Variants in NEDD4 observed in about 807,000 individuals in gnomAD.
The protein encoded by NEDD4 is NEDD4 E3 ubiquitin protein ligase, also known as E3 ubiquitin-protein ligase NEDD4.
NEDD4 carries 99 observed loss-of-function variants against 144.9 expected under a neutral mutation model. That is an observed-to-expected ratio of 0.68 (90% CI 0.58 to 0.81). NEDD4 has a LOEUF of 0.81. Among genes scored for constraint, NEDD4 ranks in the 30% least tolerant of loss-of-function variants. The probability of loss-of-function intolerance (pLI) is 0.00; values close to 1 mark genes in which losing one functional copy is unlikely to be tolerated. For missense variants in NEDD4, 985 were observed against 1,065.9 expected (o/e 0.92, Z 1.06); for synonymous variants, 318 against 350.6 (o/e 0.91, Z 1.04).
intron 2 of NEDD4, among the ~76,000 whole-genome samples, chr15:55,954,530 C>CT (rs201402509): frequency 0.093 from 13,716 of 147,186 alleles, 765 homozygotes; most frequent in Middle Eastern, 0.17. Context: ...AGAGTTTTGC[C>CT]TTTTTTTTTT....
intron 4 of NEDD4, among the ~76,000 whole-genome samples, chr15:55,949,484 G>T (rs2142296429): frequency 6.6e-6 from 1 of 152,208 alleles, no homozygotes; most frequent in East Asian, 1.9e-4. Context: ...TCATGCTGCT[G>T]TAAAGACACA....
chr15:55,924,692 G>A lies in NEDD4; in HGVS notation c.245C>T (p.Pro82Leu), dbSNP rs1264977966. Residue 82 changes from proline (P) to leucine (L), a missense_variant, in exon 5 of 29, where the codon CCT (proline) becomes CTT (leucine). Transcript: ENST00000435532. Reference protein sequence around the residue: ...WNEEILFRVHPQQHRLLFEVF... With the variant: ...WNEEILFRVHLQQHRLLFEVF... Reference sequence around the variant, plus strand: ...TTCAAAAAGAAGCCGGTGCTGCTGAGGATGAACCTAAGAAAAACACAATCT... The same window carrying A: ...TTCAAAAAGAAGCCGGTGCTGCTGAAGATGAACCTAAGAAAAACACAATCT... The A allele has an allele frequency of 6.2e-7, 1 of 1,608,806 alleles. No homozygotes were observed. The highest frequency in any genetic ancestry group is 1.1e-5 in the South Asian group (1 of 89,738).
chr15:55,916,191 C>T, intron 5 of NEDD4: 1 of 1,613,984 alleles, frequency 6.2e-7, no homozygotes, highest in East Asian at 2.2e-5. Context: ...TGGCACACTT[C>T]TATTGGAGGT....
intron 5 of NEDD4, among the ~76,000 whole-genome samples, chr15:55,901,731 T>C: frequency 6.6e-6 from 1 of 152,174 alleles, no homozygotes; most frequent in Non-Finnish European, 1.5e-5. Context: ...TGATTCCATT[T>C]GTACATATAA....
chr15:55,859,597 T>G lies in NEDD4; in HGVS notation c.960+810A>C, dbSNP rs2034324884. On this transcript the variant is annotated intron_variant, in intron 11 of 28. Coordinates refer to ENST00000435532, the MANE Select transcript of NEDD4 (RefSeq NM_006154.4). Reference sequence around the variant, plus strand: ...CTGTAATCTCAGCTATTCAGGAGGCTGAGGCATGAGAATCGCCTGAAGCTG... The same window carrying G: ...CTGTAATCTCAGCTATTCAGGAGGCGGAGGCATGAGAATCGCCTGAAGCTG... 2.0e-5 allele frequency among the ~76,000 whole-genome samples: 3 copies of G among 152,308 alleles called. No individual in the cohort carries two copies. The South Asian group carries it at 6.2e-4, about 32-fold the overall frequency.
chr15:55,876,983 G>A (rs2035016980), intron 5 of NEDD4, among the ~76,000 whole-genome samples: 1 of 151,670 alleles, frequency 6.6e-6, no homozygotes, highest in African/African-American at 2.4e-5. Context: ...GGGATTACAG[G>A]TGTGAGCCAC....
chr15:55,979,378 G>T lies in NEDD4; in HGVS notation c.46-12832C>A, dbSNP rs1367912842. 3.6e-5 allele frequency among the ~76,000 whole-genome samples: 4 copies of T among 110,230 alleles called. No individual in the cohort carries two copies. The Admixed American group carries it at 5.8e-4, about 16-fold the overall frequency. The allele number at this position is 110,230 out of a possible 152,430, so 72.3% of individuals were successfully genotyped here. A position where few individuals can be genotyped will look rare whatever the true frequency, so the allele number is the denominator to read the frequency against. On this transcript the variant is annotated intron_variant, in intron 1 of 28. Transcript: ENST00000435532. ...TTTTTTTTTTTTGAGACGGAGTCTC[G>T]CTCTGTCGCCCAGGCCGGACTGCGG...
chr15:55,988,146 A>G (rs1267662856), intron 1 of NEDD4: 10 of 139,400 alleles, frequency 7.2e-5, no homozygotes, highest in African/African-American at 2.7e-4. Context: ...ATGCAGCCAT[A>G]AAAAATGATG....
chr15:55,839,784 T>G (rs1380224107), intron 21 of NEDD4, among the ~76,000 whole-genome samples: 1 of 151,514 alleles, frequency 6.6e-6, no homozygotes, highest in Non-Finnish European at 1.5e-5. Context: ...GAGACCATCC[T>G]GGTGAACACG....
chr15:55,942,852 G>T (rs1354654818), intron 4 of NEDD4, among the ~76,000 whole-genome samples: 1 of 152,220 alleles, frequency 6.6e-6, no homozygotes, highest in Non-Finnish European at 1.5e-5. Flanking sequence ...ATGATGGAAA[G>T]ATAGAATTTC....
chr15:55,952,718 A>G (rs2037264611), intron 2 of NEDD4: 1 of 152,094 alleles, frequency 6.6e-6, no homozygotes, highest in South Asian at 2.1e-4. Context: ...AGTTCTCTGA[A>G]CTTTGGAGCC....
chr15:55,840,417 T>A, intron 21 of NEDD4, 30 bp downstream of exon 21: 1 of 1,561,394 alleles, frequency 6.4e-7, no homozygotes, highest in Non-Finnish European at 8.7e-7. Context: ...AAATTATACT[T>A]CGTCTATACT....
At chr15:55,989,717 T>C (rs1402063903) in intron 1 of NEDD4, among the ~76,000 whole-genome samples, 2 of 152,224 alleles carry the variant, frequency 1.3e-5, no homozygotes, top group South Asian at 2.1e-4. Context: ...GAAATCATTC[T>C]AGATGCTTTA....
At chr15:55,877,512 G>A (rs1368842239) in intron 5 of NEDD4, among the ~76,000 whole-genome samples, 1 of 152,128 alleles carries the variant, frequency 6.6e-6, no homozygotes, top group African/African-American at 2.4e-5. Flanking sequence ...TGTCTTCCAT[G>A]TTTCTCAATA....
At chr15:55,834,417 CACTGAGATCTCAATATTGGCCAGAAA>C (rs1475038056) in intron 24 of NEDD4, 131 bp from the exon 25 acceptor site, 7 of 624,044 alleles carry the variant, frequency 1.1e-5, no homozygotes, top group Non-Finnish European at 2.0e-5. Context: ...ACGGGCTCTT[CACTGAGATCTCAATATTGGCCAGAAA>C]ATGTACATGT....
At chr15:55,847,198 TATTTA>T (rs1192735079) in intron 17 of NEDD4, among the ~76,000 whole-genome samples, 164 bp from the exon 18 acceptor site, 4 of 152,220 alleles carry the variant, frequency 2.6e-5, no homozygotes, top group African/African-American at 4.8e-5. Flanking sequence ...AACTTTAAAA[TATTTA>T]ATTTCTCTGT....
In NEDD4 at chr15:55,860,595, T is replaced by A. The variant is rs189064451; in HGVS notation, c.793-21A>T. ...CAGTTCTAAAATGAACAGAATAAGC[T>A]TGAGCCACACATACTTTATTGCTAT... On this transcript the variant is annotated intron_variant, in intron 10 of 28. Transcript: ENST00000435532. The A allele has an allele frequency of 1.1e-5, 18 of 1,613,932 alleles. No individual in the cohort carries two copies. In the African/African-American group the frequency reaches 2.3e-4, roughly 20 times the overall value.
intron 4 of NEDD4, among the ~76,000 whole-genome samples, chr15:55,939,016 C>A (rs1439687986): frequency 1.3e-5 from 2 of 152,058 alleles, no homozygotes; most frequent in African/African-American, 4.8e-5. Flanking sequence ...CTGAGGTAGG[C>A]CATCATTTCA....
At chr15:55,909,415 G>C (rs959068116) in intron 5 of NEDD4, among the ~76,000 whole-genome samples, 48 of 152,114 alleles carry the variant, frequency 3.2e-4, no homozygotes, top group Non-Finnish European at 1.6e-4. Flanking sequence ...TGAAATTACT[G>C]TATCTCTAAG....
Sources: gnomAD v4.1 joint callset for allele counts (sites outside exome capture counted in the v4.1 genomes callset) on GRCh38, gnomAD v4.1.1 for gene constraint, MANE v1.5 for transcripts, NCBI Gene and HGNC (gene_info 2026-07-23, HGNC 2026-07-21) for gene names.